The following INF2 variants were observed in gnomAD, a reference collection of about 807,000 sequenced individuals.
INF2 encodes the protein inverted formin 2.
INF2 carries 43 observed loss-of-function variants against 123.5 expected under a neutral mutation model. That is an observed-to-expected ratio of 0.35 (90% CI 0.27 to 0.45). INF2 has a LOEUF of 0.45. Ranked by LOEUF, INF2 falls within the 20% of genes least tolerant of loss-of-function variation. INF2 has a pLI of 1.00. For synonymous variants in INF2, 851 were observed against 745.0 expected (o/e 1.14, Z -2.32); for missense variants, 1,453 against 1,682.7 (o/e 0.86, Z 2.39).
chr14:104,689,477 GC>G, upstream of INF2: 1 of 424,942 alleles, frequency 2.4e-6, no homozygotes, highest in Non-Finnish European at 3.1e-6. Context: ...TCAGGGACCG[GC>G]CACAGTGGGC....
At position 104,712,454 on chromosome 14, in the gene INF2, C is replaced by T. The variant is rs1595177417; in HGVS notation, c.2511C>T (p.Arg837=). ...QAAGINLEII[R]SEASSNLKKL... is the part of the protein sequence containing the mutation. Reference sequence around the variant, plus strand: ...TCAGGATCAACCTGGAGATCATCCGCTCAGAGGCCAGCTCCAACCTGAAGA... The same window carrying T: ...TCAGGATCAACCTGGAGATCATCCGTTCAGAGGCCAGCTCCAACCTGAAGA... Residue 837 remains arginine, a synonymous_variant, in exon 17 of 23, where the codon CGC becomes CGT. Transcript: ENST00000392634. 2.5e-6 allele frequency: 4 copies of T among 1,612,664 alleles called. No individual in the cohort carries two copies. Among genetic ancestry groups the T allele is most frequent in the Non-Finnish European group, 3.4e-6 (4 of 1,179,824 alleles).
At chr14:104,713,061 G>A (rs1010484910) in intron 18 of INF2, 69 bp downstream of exon 18, 117 of 1,608,022 alleles carry the variant, frequency 7.3e-5, no homozygotes, top group Admixed American at 1.0e-4. Flanking sequence ...GCCTTCCTCC[G>A]GCAGGATGGG....
intron 13 of INF2, chr14:104,710,582 A>AC (rs374329442): frequency 1.0e-5 from 5 of 489,196 alleles, no homozygotes; most frequent in Admixed American, 3.5e-5. Flanking sequence ...ACACGTACAC[A>AC]CCCCCCCAAC....
At chr14:104,701,819 C>G (rs1889521431) in intron 2 of INF2, 63 bp downstream of exon 2, 1 of 1,427,290 alleles carries the variant, frequency 7.0e-7, no homozygotes, top group Non-Finnish European at 9.2e-7. Flanking sequence ...AGGCTTCAGG[C>G]CCAAAAGGCC....
upstream of INF2, among the ~76,000 whole-genome samples, chr14:104,685,604 G>T (rs1888635334): frequency 1.9e-5 from 2 of 108,106 alleles, no homozygotes; most frequent in Middle Eastern, 6.2e-3. Context: ...GGGTGGGTGG[G>T]TGGATGGGTG....
At position 104,706,125 on chromosome 14, in the gene INF2, C is replaced by T. The variant is rs768718406; in HGVS notation, c.792C>T (p.Gly264=). ...AGGAGGAGCTGCTGCGAGTCTCTGG[C>T]GGGGTCGACATGAGCAGCCACCAGG... The part of the protein sequence containing the change: ...EDEEELLRVS[G]GVDMSSHQEV... The change falls in exon 6 of 23, where the codon GGC becomes GGT. Residue 264 remains glycine, a synonymous_variant. Transcript: ENST00000392634. 1.2e-5 allele frequency: 19 copies of T among 1,609,590 alleles called. No individual in the cohort carries two copies. Among genetic ancestry groups the T allele is most frequent in the Non-Finnish European group, 1.5e-5 (18 of 1,178,586 alleles).
At chr14:104,698,124 C>T (rs952061101) in intron 1 of INF2, among the ~76,000 whole-genome samples, 1 of 152,234 alleles carries the variant, frequency 6.6e-6, no homozygotes, top group Non-Finnish European at 1.5e-5. Context: ...CACATTCCTG[C>T]GCTGGTGGCC....
intron 1 of INF2, among the ~76,000 whole-genome samples, chr14:104,695,186 G>C (rs1419864511): frequency 6.6e-6 from 1 of 152,132 alleles, no homozygotes; most frequent in Non-Finnish European, 1.5e-5. Flanking sequence ...GCCACCTGCA[G>C]GGCCTGATCA....
At position 104,709,261 on chromosome 14, in the gene INF2, C is replaced by G. The variant is rs370726873; in HGVS notation, c.1950-20C>G. 1.9e-6 allele frequency: 3 copies of G among 1,597,676 alleles called. No individual in the cohort carries two copies. The highest frequency in any genetic ancestry group is 2.7e-5 in the African/African-American group (2 of 74,708). On this transcript the variant is annotated intron_variant, in intron 10 of 22. Transcript: ENST00000392634. Reference sequence around the variant, plus strand: ...GACTCATGATTCACTCACCCCTGCCCGGTCCTCTCCCTGCTCCAGCTCCAA... The same window carrying G: ...GACTCATGATTCACTCACCCCTGCCGGGTCCTCTCCCTGCTCCAGCTCCAA...
At position 104,707,786 on chromosome 14, in the gene INF2, C is replaced by A; in HGVS notation, c.1519C>A (p.Leu507Met). The change falls in exon 8 of 23, where the codon CTG becomes ATG. Residue 507 changes from leucine to methionine, a missense_variant. By Grantham distance (15) the Leu-to-Met change is conservative. This residue lies in a region of INF2 where 374 missense variants were observed against 303.7 expected (regional missense o/e 1.23). Transcript: ENST00000392634. ...LGCPPPPPPLLPGMGWGPPPP... is the reference protein window; with the variant it reads ...LGCPPPPPPLMPGMGWGPPPP... ...ATGCCCGCCCCCACCCCCACCCCTG[C>A]TGCCTGGTATGGGCTGGGGCCCTCC... 9.4e-7 allele frequency: 1 copy of A among 1,058,488 alleles called. No individual in the cohort carries two copies. Among genetic ancestry groups the A allele is most frequent in the Non-Finnish European group, 1.4e-6 (1 of 726,932 alleles). The allele number at this position is 1,058,488 out of a possible 1,614,324, so 65.6% of individuals were successfully genotyped here. A position where few individuals can be genotyped will look rare whatever the true frequency, so the allele number is the denominator to read the frequency against.
Position 104,706,980 on chromosome 14 carries a change from TC to T in INF2, c.916del (p.Arg306AlafsTer14), listed in dbSNP as rs1889808876. 1 of 1,599,754 alleles carries T rather than the reference TC, an allele frequency of 6.3e-7. No individual in the cohort carries two copies. Among genetic ancestry groups the T allele is most frequent in the Non-Finnish European group, 8.5e-7 (1 of 1,178,848 alleles). Reference protein sequence around the residue: ...LQGLLHLEPTLRSSQLLWEAL... With the variant: ...LQGLLHLEPTXRSSQLLWEAL... ...GGCCTCCTGCACCTGGAGCCCACCC[TC>T]CGCTCCAGCCAGCTGCTCTGGGAGG... On this transcript the variant is annotated frameshift_variant, in exon 7 of 23. Coordinates refer to ENST00000392634, the MANE Select transcript of INF2 (RefSeq NM_022489.4). LOFTEE classifies it high-confidence loss of function.
intron 22 of INF2, chr14:104,715,860 G>C: frequency 2.2e-6 from 1 of 458,048 alleles, no homozygotes. Context: ...CGGGACAGTC[G>C]CAAGGGCAGA....
intron 2 of INF2, 115 bp downstream of exon 2, chr14:104,701,871 C>T (rs1391894555): frequency 1.7e-6 from 2 of 1,204,076 alleles, no homozygotes; most frequent in Non-Finnish European, 2.2e-6. Context: ...CGCAGCCAGG[C>T]AGGCAAGGAG....
Position 104,707,460 on chromosome 14 carries a change from A to G in INF2, c.1193A>G (p.Asp398Gly). 3.2e-6 allele frequency: 5 copies of G among 1,557,952 alleles called. No individual in the cohort carries two copies. The highest frequency in any genetic ancestry group is 1.9e-5 in the Admixed American group (1 of 52,294). The change falls in exon 8 of 23, where the codon GAC (aspartate) becomes GGC (glycine). Residue 398 changes from aspartate (D) to glycine (G), a missense_variant. Transcript: ENST00000392634. ...GCAGCTGCTGCCTGCGAGCCCGTGG[A>G]CCACGCCCAGAGTGAGAGCATCCTG... ...PAAAAACEPVDHAQSESILKV... is the reference protein window; with the variant it reads ...PAAAAACEPVGHAQSESILKV...
chr14:104,712,007 G>A (rs1890072365), intron 16 of INF2, among the ~76,000 whole-genome samples: 2 of 152,158 alleles, frequency 1.3e-5, no homozygotes, highest in Admixed American at 6.5e-5. Flanking sequence ...CCGTGAGCAG[G>A]CTCGGGCCTC....
intron 1 of INF2, among the ~76,000 whole-genome samples, chr14:104,691,617 A>G (rs1426848599): frequency 6.6e-6 from 1 of 152,194 alleles, no homozygotes; most frequent in Non-Finnish European, 1.5e-5. Flanking sequence ...TGGAGGCCAC[A>G]TAGGAGCCAG....
intron 1 of INF2, chr14:104,690,245 C>T (rs959575713): frequency 4.6e-5 from 7 of 152,310 alleles, no homozygotes; most frequent in African/African-American, 1.7e-4. Flanking sequence ...CGCTGGCAGG[C>T]TTAGGGGAAT....
At chr14:104,700,586 G>A (rs1889430833) in intron 1 of INF2, among the ~76,000 whole-genome samples, 1 of 152,184 alleles carries the variant, frequency 6.6e-6, no homozygotes, top group Non-Finnish European at 1.5e-5. Flanking sequence ...TGTCAGAGGT[G>A]CAACCCGCCT....
At chr14:104,715,648 C>T in intron 22 of INF2, 1 of 580,672 alleles carries the variant, frequency 1.7e-6, no homozygotes, top group Non-Finnish European at 3.1e-6. Context: ...CAAGCAGGAT[C>T]CGGGCCCTGG....
Sources: allele counts gnomAD v4.1 joint callset (sites outside exome capture counted in the v4.1 genomes callset), GRCh38; gene constraint gnomAD v4.1.1; regional missense constraint gnomAD v4.1.1; transcripts MANE v1.5; gene names NCBI Gene and HGNC (gene_info 2026-07-23, HGNC 2026-07-21).